PARD3B: variants seen among roughly 807,000 people sequenced by gnomAD.
PARD3B encodes par-3 family cell polarity regulator beta, also known as partitioning defective 3 homolog B.
PARD3B carries 103 observed loss-of-function variants against 130.2 expected under a neutral mutation model. The observed-to-expected ratio is 0.79, with a 90% CI of 0.67 to 0.93. The LOEUF (loss-of-function observed/expected upper bound fraction) is 0.93. Among genes scored for constraint, PARD3B ranks in the 40% least tolerant of loss-of-function variants. The pLI is 0.00. For synonymous variants in PARD3B, 583 were observed against 553.2 expected, an observed-to-expected ratio of 1.05 and a Z score of -0.76; for missense variants, 1,609 against 1,499.2, an observed-to-expected ratio of 1.07 and a Z score of -1.21.
intron 2 of PARD3B, among the ~76,000 whole-genome samples, chr2:204,946,271 T>C (rs957030963): frequency 6.6e-6 from 1 of 152,240 alleles, no homozygotes; most frequent in Admixed American, 6.5e-5. Flanking sequence ...GTCTCTTGGC[T>C]GTAGGAATTG....
intron 20 of PARD3B, among the ~76,000 whole-genome samples, chr2:205,482,934 T>C (rs2049299889): frequency 6.6e-6 from 1 of 152,088 alleles, no homozygotes; most frequent in Admixed American, 6.6e-5. Flanking sequence ...TCTTCAGACT[T>C]CTCTGGACTT....
chr2:205,066,843 A>G (rs997110414), intron 4 of PARD3B, among the ~76,000 whole-genome samples: 1 of 152,072 alleles, frequency 6.6e-6, no homozygotes, highest in East Asian at 1.9e-4. Context: ...TCATCATCTA[A>G]GTAACTTTTA....
At chr2:204,660,061 G>A (rs1260046233) in intron 1 of PARD3B, among the ~76,000 whole-genome samples, 3 of 152,132 alleles carry the variant, frequency 2.0e-5, no homozygotes, top group Admixed American at 1.3e-4. Flanking sequence ...CAGGCAAGAC[G>A]AACAGAGGTG....
chr2:205,482,347 G>GT (rs1168508775), intron 20 of PARD3B, among the ~76,000 whole-genome samples: 1 of 152,162 alleles, frequency 6.6e-6, no homozygotes, highest in Non-Finnish European at 1.5e-5. Flanking sequence ...GTTAGGGAGA[G>GT]TTTTGCTGGG....
At chr2:204,908,637 G>A (rs983663606) in intron 2 of PARD3B, among the ~76,000 whole-genome samples, 7 of 152,102 alleles carry the variant, frequency 4.6e-5, no homozygotes, top group African/African-American at 4.8e-5. Context: ...ATGGAGCGTC[G>A]AAATGGAAAT....
Position 204,722,663 on chromosome 2 carries a change from G to C in PARD3B, c.222+36381G>C, listed in dbSNP as rs559283238. ...GCTCTTTTTCATTTATCAATTCCAG[G>C]AAATACTGGGTTTGGTCCTTGTTAA... On this transcript the variant is annotated intron_variant, in intron 2 of 22. Coordinates refer to ENST00000406610, the MANE Select transcript of PARD3B (RefSeq NM_001302769.2). 5.3e-5 allele frequency among the ~76,000 whole-genome samples: 8 copies of C among 152,220 alleles called. No individual in the cohort carries two copies. In the South Asian group the frequency reaches 1.0e-3, roughly 20 times the overall value.
At chr2:204,980,259 A>G (rs1184640035) in intron 3 of PARD3B, among the ~76,000 whole-genome samples, 2 of 152,220 alleles carry the variant, frequency 1.3e-5, no homozygotes, top group African/African-American at 4.8e-5. Flanking sequence ...ACCACATTGC[A>G]AATTTCAGCA....
Position 205,280,474 on chromosome 2 carries a change from T to A in PARD3B, c.2186-20056T>A, listed in dbSNP as rs1391618030. 6.6e-6 allele frequency among the ~76,000 whole-genome samples: 1 copy of A among 152,252 alleles called. No individual in the cohort carries two copies. Among genetic ancestry groups the A allele is most frequent in the African/African-American group, 2.4e-5 (1 of 41,466 alleles). Reference sequence around the variant, plus strand: ...TTTATTCCAAACTCTAGATTAAGTTTCAGAGTTCAGCCTGGGAGAAAGGAA... The same window carrying A: ...TTTATTCCAAACTCTAGATTAAGTTACAGAGTTCAGCCTGGGAGAAAGGAA... On this transcript the variant is annotated intron_variant, in intron 16 of 22. Transcript: ENST00000406610. The surrounding 1 kb of genome is among the most constrained non-coding windows in gnomAD (Gnocchi z 4.7).
chr2:204,903,969 C>A (rs1022764970), intron 2 of PARD3B, among the ~76,000 whole-genome samples: 1 of 152,110 alleles, frequency 6.6e-6, no homozygotes, highest in African/African-American at 2.4e-5. Flanking sequence ...GCTGAGATAT[C>A]CCGTTTGCTA....
intron 18 of PARD3B, among the ~76,000 whole-genome samples, chr2:205,312,523 C>T (rs1477751513): frequency 6.6e-6 from 1 of 152,064 alleles, no homozygotes; most frequent in Non-Finnish European, 1.5e-5. Flanking sequence ...ATTTGCATGT[C>T]GAAGGCCACC....
chr2:205,010,468 TTTA>T (rs1314298642), intron 3 of PARD3B, among the ~76,000 whole-genome samples: 3 of 152,242 alleles, frequency 2.0e-5, no homozygotes, highest in Non-Finnish European at 2.9e-5. Context: ...TCATTTCTGG[TTTA>T]GTCCCTCATT....
chr2:205,194,791 A>T (rs995548286), intron 15 of PARD3B, among the ~76,000 whole-genome samples: 1 of 151,456 alleles, frequency 6.6e-6, no homozygotes, highest in African/African-American at 2.4e-5. Context: ...TATTATTATT[A>T]TTTTTATTTT....
intron 20 of PARD3B, among the ~76,000 whole-genome samples, chr2:205,496,700 T>C (rs2106332551): frequency 6.6e-6 from 1 of 152,296 alleles, no homozygotes; most frequent in African/African-American, 2.4e-5. Context: ...TATTTTTAAA[T>C]TTATGCATTT....
At position 205,116,033 on chromosome 2, in the gene PARD3B, C is replaced by T. The variant is rs1285636202; in HGVS notation, c.680+2456C>T. 1.3e-5 allele frequency among the ~76,000 whole-genome samples: 2 copies of T among 151,878 alleles called. No homozygotes were observed. Among genetic ancestry groups the T allele is most frequent in the Non-Finnish European group, 2.9e-5 (2 of 67,974 alleles). ...CCTAATAAGTAAATTATAGTGGCTG[C>T]TCTGCTAGATAAAGCCTCAATGAAT... On this transcript the variant is annotated intron_variant, in intron 6 of 22. Transcript: ENST00000406610. The surrounding 1 kb of genome is among the most constrained non-coding windows in gnomAD (Gnocchi z 4.5).
chr2:205,251,288 G>A (rs980832151), intron 16 of PARD3B, among the ~76,000 whole-genome samples: 17 of 152,084 alleles, frequency 1.1e-4, no homozygotes, highest in Non-Finnish European at 2.2e-4. Context: ...GGAGTGTGTG[G>A]GCCAAGTTAA....
intron 3 of PARD3B, among the ~76,000 whole-genome samples, chr2:204,981,306 G>A (rs530705561): frequency 6.6e-6 from 1 of 152,010 alleles, no homozygotes; most frequent in Admixed American, 6.6e-5. Flanking sequence ...ATCTCAAATT[G>A]GAAACAACCT....
At chr2:204,726,711 G>C (rs1012063282) in intron 2 of PARD3B, among the ~76,000 whole-genome samples, 11 of 152,118 alleles carry the variant, frequency 7.2e-5, no homozygotes, top group African/African-American at 2.2e-4. Flanking sequence ...TCCTACCCAA[G>C]GCTAATTTTC....
chr2:205,597,812 A>T (rs976403103), intron 22 of PARD3B, among the ~76,000 whole-genome samples: 20 of 152,190 alleles, frequency 1.3e-4, no homozygotes, highest in African/African-American at 4.3e-4. Flanking sequence ...ACCAGAAGAG[A>T]CTGGGGGCTT....
chr2:205,073,497 A>G (rs1700866004), intron 4 of PARD3B, among the ~76,000 whole-genome samples: 1 of 152,218 alleles, frequency 6.6e-6, no homozygotes, highest in Admixed American at 6.5e-5. Flanking sequence ...CCAAATGTAT[A>G]TAGTAACCTT....
Sources: gnomAD v4.1 joint callset for allele counts (sites outside exome capture counted in the v4.1 genomes callset) on GRCh38, gnomAD v4.1.1 for gene constraint, Gnocchi (gnomAD v3.1) non-coding constraint, MANE v1.5 for transcripts, NCBI Gene and HGNC (gene_info 2026-07-23, HGNC 2026-07-21) for gene names.